MYO5C: variants seen among roughly 807,000 people sequenced by gnomAD.
MYO5C encodes myosin VC, also known as unconventional myosin-Vc.
MYO5C carries 194 observed loss-of-function variants against 235.7 expected under a neutral mutation model. The ratio of observed to expected loss-of-function variants is 0.82; its 90% confidence interval spans 0.73 to 0.93. The LOEUF (loss-of-function observed/expected upper bound fraction) is 0.93. Among genes scored for constraint, MYO5C ranks in the 40% least tolerant of loss-of-function variants. The pLI is 0.00. For synonymous variants in MYO5C, 707 were observed against 754.8 expected, an observed-to-expected ratio of 0.94 and a Z score of 1.04; for missense variants, 2,038 against 2,127.2, an observed-to-expected ratio of 0.96 and a Z score of 0.82.
chr15:52,255,975 T>C (rs571830569), intron 11 of MYO5C, among the ~76,000 whole-genome samples: 10 of 152,322 alleles, frequency 6.6e-5, no homozygotes, highest in African/African-American at 2.4e-4. Context: ...ATATGTCTTG[T>C]TCTAAATTAA....
intron 12 of MYO5C, 28 bp from the exon 13 acceptor site, chr15:52,251,543 A>C (rs1363560178): frequency 1.9e-6 from 3 of 1,572,652 alleles, no homozygotes; most frequent in Non-Finnish European, 2.6e-6. Context: ...ACCAAATAGC[A>C]AGTAAGAAAA....
chr15:52,264,143 A>G, intron 9 of MYO5C, 47 bp downstream of exon 9: 1 of 1,449,850 alleles, frequency 6.9e-7, no homozygotes. Flanking sequence ...AGCCAGTTCC[A>G]CTATGACCCT....
chr15:52,229,626 A>C (rs2035906685), intron 24 of MYO5C, among the ~76,000 whole-genome samples: 1 of 152,112 alleles, frequency 6.6e-6, no homozygotes, highest in African/African-American at 2.4e-5. Flanking sequence ...CCTCCCCACA[A>C]CACCCCCTAA....
rs185434549 is a variant in MYO5C, at chr15:52,234,424, A to T, written c.2962+1246T>A. ...AACATGACATGGTCTCAGAAACATA[A>T]TTTTCAGGTTATATTCCTGAGAATT... On this transcript the variant is annotated intron_variant, in intron 23 of 40. Coordinates refer to ENST00000261839, the MANE Select transcript of MYO5C (RefSeq NM_018728.4). Among the ~76,000 whole-genome samples the T allele has an allele frequency of 2.5e-3, 378 of 152,338 alleles. 1 individual carries two copies. The Middle Eastern group carries it at 0.031, about 12-fold the overall frequency.
chr15:52,234,100 C>G (rs1193737910), intron 23 of MYO5C, among the ~76,000 whole-genome samples: 1 of 152,224 alleles, frequency 6.6e-6, no homozygotes, highest in Non-Finnish European at 1.5e-5. Context: ...AAAGCATTGG[C>G]TTTAATTCTG....
intron 6 of MYO5C, 47 bp downstream of exon 6, chr15:52,272,533 T>A: frequency 6.3e-7 from 1 of 1,593,386 alleles, no homozygotes; most frequent in Middle Eastern, 1.7e-4. Context: ...AGTATGTAAA[T>A]GTAAATAATG....
chr15:52,259,681 A>T (rs937939233), intron 10 of MYO5C, among the ~76,000 whole-genome samples: 2 of 152,256 alleles, frequency 1.3e-5, no homozygotes, highest in African/African-American at 4.8e-5. Context: ...TAATGTATTA[A>T]GCATTTTATA....
intron 1 of MYO5C, among the ~76,000 whole-genome samples, chr15:52,285,425 CCCTCTCCCTCTCCCTCTCCCT>C (rs1459970761): frequency 4.4e-4 from 9 of 20,390 alleles, no homozygotes; most frequent in Non-Finnish European, 3.3e-3. Flanking sequence ...TCCCTCCTCT[CCCTCTCCCTCTCCCTCTCCCT>C]CCTCTCCCTC....
chr15:52,257,422 C>T lies in MYO5C; in HGVS notation c.1314-702G>A, dbSNP rs116665920. Among the ~76,000 whole-genome samples the T allele has an allele frequency of 5.7e-3, 866 of 152,232 alleles. 11 individuals are homozygous for T. Among genetic ancestry groups the T allele is most frequent in the African/African-American group, 0.02 (831 of 41,520 alleles). On this transcript the variant is annotated intron_variant, in intron 10 of 40. Coordinates refer to ENST00000261839, the MANE Select transcript of MYO5C (RefSeq NM_018728.4). ...GAGGCAGCTGCTACTCAGCTCCTGC[C>T]GGATGTAGCCATGGATGAATGCGGC... is the stretch of plus-strand genomic sequence containing the variant.
chr15:52,271,252 G>A (rs1387442288), intron 7 of MYO5C, among the ~76,000 whole-genome samples: 3 of 150,494 alleles, frequency 2.0e-5, no homozygotes, highest in African/African-American at 4.9e-5. Flanking sequence ...TTTTTGAGAC[G>A]GAGTCTTGCT....
At chr15:52,243,473 A>C (rs1270172499) in intron 19 of MYO5C, 2 of 152,396 alleles carry the variant, frequency 1.3e-5, no homozygotes, top group Admixed American at 1.3e-4. Flanking sequence ...CTGGGCACAG[A>C]AGCACAGGAG....
intron 13 of MYO5C, 28 bp from the exon 14 acceptor site, chr15:52,248,811 C>G (rs754175729): frequency 5.5e-5 from 80 of 1,449,634 alleles, no homozygotes; most frequent in Non-Finnish European, 7.6e-5. Context: ...TTAATTATTC[C>G]CAAAGAGGCC....
chr15:52,233,707 G>T (rs60279448), intron 23 of MYO5C, among the ~76,000 whole-genome samples: 2,839 of 152,310 alleles, frequency 0.019, 84 homozygotes, highest in South Asian at 0.14. Context: ...CGAAGGGCAG[G>T]ACGTTCCATG....
intron 16 of MYO5C, 32 bp downstream of exon 16, chr15:52,246,885 G>A (rs1371134030): frequency 6.4e-6 from 10 of 1,556,732 alleles, no homozygotes; most frequent in South Asian, 5.8e-5. Context: ...GCCTTCCCAC[G>A]TCTTCGCTGT....
At chr15:52,261,843 C>T (rs529665347) in intron 9 of MYO5C, among the ~76,000 whole-genome samples, 89 of 152,364 alleles carry the variant, frequency 5.8e-4, no homozygotes, top group African/African-American at 2.1e-3. Context: ...GCTCCTCTCT[C>T]AGGCAGGAGA....
Position 52,245,484 on chromosome 15 carries a change from T to G in MYO5C, c.2067-19A>C, listed in dbSNP as rs1170376276. Reference sequence around the variant, plus strand: ...TGTCCACCTGGAAAATCAAAGGGGATCAAAGCCAGGAGTGTCAGAGGAAGC... The same window carrying G: ...TGTCCACCTGGAAAATCAAAGGGGAGCAAAGCCAGGAGTGTCAGAGGAAGC... On this transcript the variant is annotated intron_variant, in intron 17 of 40. Coordinates refer to ENST00000261839, the MANE Select transcript of MYO5C (RefSeq NM_018728.4). The G allele has an allele frequency of 2.2e-5, 34 of 1,567,628 alleles. No homozygotes were observed. The highest frequency in any genetic ancestry group is 2.6e-5 in the Non-Finnish European group (30 of 1,137,842).
intron 8 of MYO5C, 104 bp from the exon 9 acceptor site, chr15:52,264,400 G>A (rs560259055): frequency 4.9e-5 from 45 of 911,078 alleles, no homozygotes; most frequent in Admixed American, 1.4e-4. Context: ...TCAGTGCCAA[G>A]CTCTGGGACA....
In MYO5C at chr15:52,213,276, C is replaced by T. The variant is rs770965207; in HGVS notation, c.4053G>A (p.Val1351=). The T allele has an allele frequency of 6.2e-7, 1 of 1,613,442 alleles. No homozygotes were observed. The highest frequency in any genetic ancestry group is 1.3e-5 in the African/African-American group (1 of 75,014). ...ACTCCTTGGGTCCTGAGGACGAGTG[C>T]ACATCATTGGCTGTAGACAGAGGCA... ...LSKTIGKAND[V]HSSSGPKEYL... The change falls in exon 34 of 41, where the codon GTG becomes GTA. Residue 1351 remains valine, a synonymous_variant. Coordinates refer to ENST00000261839, the MANE Select transcript of MYO5C (RefSeq NM_018728.4).
intron 38 of MYO5C, among the ~76,000 whole-genome samples, chr15:52,202,584 T>C (rs2035213424): frequency 1.3e-5 from 2 of 152,214 alleles, no homozygotes; most frequent in Non-Finnish European, 2.9e-5. Flanking sequence ...GCAAAGGCTC[T>C]GATGTGGCTT....
Sources: gnomAD v4.1 joint callset for allele counts (sites outside exome capture counted in the v4.1 genomes callset) on GRCh38, gnomAD v4.1.1 for gene constraint, MANE v1.5 for transcripts, NCBI Gene and HGNC (gene_info 2026-07-23, HGNC 2026-07-21) for gene names.